ERICH1: variants seen among roughly 807,000 people sequenced by gnomAD.
ERICH1 encodes the protein glutamate rich 1.
ERICH1 carries 56 observed loss-of-function variants against 39.6 expected under a neutral mutation model. That is an observed-to-expected ratio of 1.41 (90% CI 1.14 to 1.77). ERICH1 has a LOEUF of 1.77. Ranked by LOEUF, ERICH1 falls within the 40% of genes most tolerant of loss-of-function variation. The pLI, the probability that ERICH1 is intolerant of heterozygous loss-of-function variation, is 0.00. For missense variants in ERICH1, 826 were observed against 575.4 expected, an observed-to-expected ratio of 1.44 and a Z score of -4.45; for synonymous variants, 313 against 223.6, an observed-to-expected ratio of 1.40 and a Z score of -3.57.
intron 3 of ERICH1, among the ~76,000 whole-genome samples, chr8:633,594 A>C (rs977507042): frequency 6.6e-6 from 1 of 152,240 alleles, no homozygotes; most frequent in Non-Finnish European, 1.5e-5. Context: ...AATCCTAAAA[A>C]GAACGAAGCT....
At chr8:693,919 T>A (rs1361630340) in intron 2 of ERICH1, among the ~76,000 whole-genome samples, 1 of 152,234 alleles carries the variant, frequency 6.6e-6, no homozygotes, top group Non-Finnish European at 1.5e-5. Context: ...TCATGCACAC[T>A]GTCTGGAAGG....
chr8:642,026 GC>G (rs938471271), intron 3 of ERICH1, among the ~76,000 whole-genome samples: 40 of 152,200 alleles, frequency 2.6e-4, no homozygotes, highest in African/African-American at 9.6e-4. Flanking sequence ...TATGAAAATG[GC>G]CTGCCAGGCG....
chr8:615,169 G>T, exon 4 of ERICH1: 2 of 634,788 alleles, frequency 3.2e-6, no homozygotes, highest in African/African-American at 1.8e-5. Context: ...ACACAAAGTC[G>T]AAAGTAGACA....
At chr8:655,308 C>G (rs1239578218) in intron 3 of ERICH1, among the ~76,000 whole-genome samples, 1 of 152,224 alleles carries the variant, frequency 6.6e-6, no homozygotes, top group Non-Finnish European at 1.5e-5. Context: ...ATGCCACAGG[C>G]AGGTTGTAAG....
intron 2 of ERICH1, among the ~76,000 whole-genome samples, chr8:706,105 G>A (rs1813218540): frequency 6.6e-6 from 1 of 152,236 alleles, no homozygotes; most frequent in African/African-American, 2.4e-5. Context: ...AACAGGCTGT[G>A]CCACACAGCC....
In ERICH1 at chr8:664,274, A is replaced by G. The variant is rs1253154948; in HGVS notation, c.*329T>C. Reference sequence around the variant, plus strand: ...ACTTTCAGATACAAGGTGATTCAAAACTTCATAAAAATATATGAGCTTCAA... The same window carrying G: ...ACTTTCAGATACAAGGTGATTCAAAGCTTCATAAAAATATATGAGCTTCAA... On this transcript the variant is annotated 3_prime_UTR_variant, in exon 6 of 6. Coordinates refer to ENST00000262109, the MANE Select transcript of ERICH1 (RefSeq NM_207332.3). The G allele has an allele frequency of 9.9e-7, 1 of 1,015,120 alleles. No homozygotes were observed. 62.9% of individuals were successfully genotyped at this position (1,015,120 alleles called of 1,614,324 possible).
In ERICH1 at chr8:701,591, C is replaced by T. The variant is rs113085265; in HGVS notation, c.170-8979G>A. On this transcript the variant is annotated intron_variant, in intron 2 of 5. Coordinates refer to ENST00000262109, the MANE Select transcript of ERICH1 (RefSeq NM_207332.3). The stretch of plus-strand genomic sequence containing the variant: ...TGCAGCGTCAGGTGAGCAACAGAGT[C>T]GGACCACCACCTCACACCAGACAAC... Among the ~76,000 whole-genome samples, 396 of 152,320 alleles carry T rather than the reference C, an allele frequency of 2.6e-3. 4 individuals are homozygous for T. Among genetic ancestry groups the T allele is most frequent in the African/African-American group, 7.9e-3 (330 of 41,588 alleles).
intron 2 of ERICH1, among the ~76,000 whole-genome samples, chr8:710,892 T>C (rs1814583609): frequency 6.6e-6 from 1 of 152,226 alleles, no homozygotes; most frequent in South Asian, 2.1e-4. Flanking sequence ...TCAAGGGGCA[T>C]AACTGCTGGA....
intron 3 of ERICH1, chr8:627,332 C>T (rs1246833494): frequency 4.9e-6 from 2 of 409,078 alleles, no homozygotes; most frequent in African/African-American, 4.1e-5. Flanking sequence ...GAGTGAATGA[C>T]AGCTCCTTGT....
chr8:699,704 C>A (rs1269407164), intron 2 of ERICH1, among the ~76,000 whole-genome samples: 1 of 148,284 alleles, frequency 6.7e-6, no homozygotes, highest in Non-Finnish European at 1.5e-5. Flanking sequence ...CACAGGCGCA[C>A]AGACCCGCAC....
chr8:730,895 C>T (rs148343123), intron 1 of ERICH1, among the ~76,000 whole-genome samples: 2,504 of 152,316 alleles, frequency 0.016, 27 homozygotes, highest in Middle Eastern at 0.037. Flanking sequence ...ACCCCAGACA[C>T]CAGGTGGGGC....
At chr8:670,935 T>C (rs1351125667) in intron 4 of ERICH1, among the ~76,000 whole-genome samples, 1 of 142,264 alleles carries the variant, frequency 7.0e-6, no homozygotes, top group Non-Finnish European at 1.5e-5. Context: ...AGCCCACCGG[T>C]CCCCCAGGCT....
intron 3 of ERICH1, among the ~76,000 whole-genome samples, chr8:654,620 C>T (rs1800381612): frequency 6.6e-6 from 1 of 152,164 alleles, no homozygotes; most frequent in Non-Finnish European, 1.5e-5. Context: ...TGTAAAGACA[C>T]ACACTGAAGG....
intron 3 of ERICH1, among the ~76,000 whole-genome samples, chr8:627,922 C>A (rs1563165363): frequency 6.6e-6 from 1 of 152,106 alleles, no homozygotes; most frequent in Non-Finnish European, 1.5e-5. Context: ...AAGGGGAGGC[C>A]CAGCAGAGAA....
intron 5 of ERICH1, chr8:667,840 C>T (rs1037741292): frequency 2.0e-5 from 3 of 152,774 alleles, no homozygotes; most frequent in Non-Finnish European, 4.4e-5. Context: ...GACACTTACT[C>T]TGAAACTCCC....
intron 3 of ERICH1, among the ~76,000 whole-genome samples, chr8:622,346 G>A (rs114122683): frequency 0.014 from 2,164 of 152,330 alleles, 39 homozygotes; most frequent in African/African-American, 0.05. Context: ...CCTTTGGAGA[G>A]TGACTAGGTC....
At chr8:617,144 A>T (rs1796972643) in intron 3 of ERICH1, among the ~76,000 whole-genome samples, 1 of 152,142 alleles carries the variant, frequency 6.6e-6, no homozygotes, top group Non-Finnish European at 1.5e-5. Flanking sequence ...TGAGAAAGAA[A>T]GAAGGCAGGA....
At chr8:658,039 G>C (rs1020250569) in intron 3 of ERICH1, among the ~76,000 whole-genome samples, 6 of 152,208 alleles carry the variant, frequency 3.9e-5, no homozygotes, top group African/African-American at 1.2e-4. Flanking sequence ...GACCATGTTT[G>C]AGAGAGAGGC....
chr8:629,591 CAG>C (rs1185864838), intron 3 of ERICH1, among the ~76,000 whole-genome samples: 1 of 115,192 alleles, frequency 8.7e-6, no homozygotes, highest in African/African-American at 3.3e-5. Context: ...TGACCACCCA[CAG>C]AGACAGAGCT....
Sources: allele counts gnomAD v4.1 joint callset (sites outside exome capture counted in the v4.1 genomes callset), GRCh38; gene constraint gnomAD v4.1.1; transcripts MANE v1.5; gene names NCBI Gene and HGNC (gene_info 2026-07-23, HGNC 2026-07-21).